Variants in L3MBTL4 observed in about 807,000 individuals in gnomAD.
L3MBTL4 encodes the protein lethal(3)malignant brain tumor-like protein 4.
In L3MBTL4, 70 loss-of-function variants were observed where a neutral mutation model predicts 84.5. That is an observed-to-expected ratio of 0.83 (90% CI 0.68 to 1.01). L3MBTL4 has a LOEUF of 1.01. Among genes scored for constraint, L3MBTL4 ranks in the 50% least tolerant of loss-of-function variants. The pLI, the probability that L3MBTL4 is intolerant of heterozygous loss-of-function variation, is 0.00. For missense variants in L3MBTL4, 715 were observed against 754.8 expected (o/e 0.95, Z 0.62); for synonymous variants, 274 against 259.8 (o/e 1.05, Z -0.52).
chr18:6,363,771 C>T (rs2053814900), intron 1 of L3MBTL4, among the ~76,000 whole-genome samples: 1 of 152,122 alleles, frequency 6.6e-6, no homozygotes, highest in Admixed American at 6.5e-5. Context: ...CCAGGAGCTC[C>T]CATGCCCACT....
At chr18:6,395,172 G>C (rs1309072902) in intron 1 of L3MBTL4, 1 of 152,070 alleles carries the variant, frequency 6.6e-6, no homozygotes, top group Non-Finnish European at 1.5e-5. Context: ...ACATGAGCCT[G>C]GGCAACAAAG....
intron 18 of L3MBTL4, among the ~76,000 whole-genome samples, chr18:5,958,059 AAGG>A (rs60828537): frequency 0.06 from 7,511 of 126,104 alleles, 526 homozygotes; most frequent in East Asian, 0.17. Context: ...GGAGAAGGAG[AAGG>A]AGAAGAAGAA....
chr18:6,336,354 G>A (rs1024671704), intron 1 of L3MBTL4, among the ~76,000 whole-genome samples: 53 of 152,182 alleles, frequency 3.5e-4, no homozygotes, highest in African/African-American at 1.2e-3. Context: ...CGTGATCTTC[G>A]GAGGCCAGAG....
At position 6,213,193 on chromosome 18, in the gene L3MBTL4, T is replaced by A; in HGVS notation, c.937A>T (p.Ile313Phe). ...EVVDKRNPRL[I>F]RVATIVDVDD... is the part of the protein sequence containing the mutation. Reference sequence around the variant, plus strand: ...ACATCTACAATCGTAGCAACACGAATTAACCTGGGGTTCCGTTTATCCACA... The same window carrying A: ...ACATCTACAATCGTAGCAACACGAAATAACCTGGGGTTCCGTTTATCCACA... Residue 313 changes from isoleucine (I) to phenylalanine (F), a missense_variant, in exon 12 of 19, where the codon ATT becomes TTT. Physicochemically the swap from Ile to Phe is conservative, Grantham distance 21. Coordinates refer to ENST00000317931, the MANE Select transcript of L3MBTL4 (RefSeq NM_001330559.2). 6.2e-7 allele frequency: 1 copy of A among 1,611,006 alleles called. No individual in the cohort carries two copies. Among genetic ancestry groups the A allele is most frequent in the Non-Finnish European group, 8.5e-7 (1 of 1,178,936 alleles).
At position 6,090,416 on chromosome 18, in the gene L3MBTL4, T is replaced by C. The variant is rs184233278; in HGVS notation, c.1373+2939A>G. Among the ~76,000 whole-genome samples, 529 of 152,104 alleles carry C rather than the reference T, an allele frequency of 3.5e-3. 5 individuals are homozygous for C. Among genetic ancestry groups the C allele is most frequent in the African/African-American group, 0.012 (496 of 41,510 alleles). Reference sequence around the variant, plus strand: ...ACAAAGATTAATATAAGAGCAAACATGTTTTTTAAAAATAATCAAAAAATT... The same window carrying C: ...ACAAAGATTAATATAAGAGCAAACACGTTTTTTAAAAATAATCAAAAAATT... On this transcript the variant is annotated intron_variant, in intron 15 of 18. Coordinates refer to ENST00000317931, the MANE Select transcript of L3MBTL4 (RefSeq NM_001330559.2).
At chr18:6,029,631 CTT>C (rs1280875956) in intron 16 of L3MBTL4, 1 of 985,102 alleles carries the variant, frequency 1.0e-6, no homozygotes, top group Non-Finnish European at 1.2e-6. Context: ...TAAAGGAAAA[CTT>C]AAAATGCAAT....
At chr18:6,386,746 C>T (rs1599867071) in intron 1 of L3MBTL4, among the ~76,000 whole-genome samples, 1 of 152,124 alleles carries the variant, frequency 6.6e-6, no homozygotes, top group Non-Finnish European at 1.5e-5. Context: ...GGAGACAGAG[C>T]AGGGTGCACA....
chr18:6,319,297 C>T (rs1342894776), intron 1 of L3MBTL4, among the ~76,000 whole-genome samples: 1 of 151,774 alleles, frequency 6.6e-6, no homozygotes, highest in Non-Finnish European at 1.5e-5. Context: ...ATAGAAACAA[C>T]AACAACAACA....
chr18:6,152,342 C>T (rs1202903239), intron 13 of L3MBTL4, among the ~76,000 whole-genome samples: 1 of 151,974 alleles, frequency 6.6e-6, no homozygotes, highest in African/African-American at 2.4e-5. Context: ...AATTTATATT[C>T]CTATTAACAG....
intron 16 of L3MBTL4, among the ~76,000 whole-genome samples, chr18:6,054,434 A>G (rs2056942643): frequency 6.6e-6 from 1 of 152,110 alleles, no homozygotes; most frequent in South Asian, 2.1e-4. Flanking sequence ...AGAATATCAA[A>G]TCAGATACTC....
intron 16 of L3MBTL4, among the ~76,000 whole-genome samples, chr18:6,015,914 C>G (rs189201890): frequency 6.6e-6 from 1 of 152,134 alleles, no homozygotes; most frequent in Non-Finnish European, 1.5e-5. Flanking sequence ...GAGCCAAGAT[C>G]GCACCACTGC....
rs111403528 is a variant in L3MBTL4, at chr18:6,122,555, G to A, written c.1199+15639C>T. On this transcript the variant is annotated intron_variant, in intron 14 of 18. Transcript: ENST00000317931. ...GCCTGCCACCATCCATGTAAGACAT[G>A]ACTTGCTCTTCCTTGCCTTCCACCA... 2.1e-3 allele frequency among the ~76,000 whole-genome samples: 317 copies of A among 152,306 alleles called. 4 individuals are homozygous for A. Among genetic ancestry groups the A allele is most frequent in the African/African-American group, 7.2e-3 (299 of 41,558 alleles).
chr18:6,293,463 T>C (rs1011751257), intron 4 of L3MBTL4, among the ~76,000 whole-genome samples: 2 of 148,358 alleles, frequency 1.3e-5, no homozygotes, highest in African/African-American at 2.5e-5. Context: ...AGCACCAAAA[T>C]AATGAAAAAA....
intron 1 of L3MBTL4, among the ~76,000 whole-genome samples, chr18:6,320,998 T>C (rs539751105): frequency 2.4e-4 from 36 of 152,088 alleles, no homozygotes; most frequent in Non-Finnish European, 4.7e-4. Context: ...CCCTATTTAA[T>C]AAATGGTGCT....
At chr18:6,256,724 G>T (rs2048157101) in intron 5 of L3MBTL4, 1 of 152,178 alleles carries the variant, frequency 6.6e-6, no homozygotes, top group Admixed American at 6.6e-5. Context: ...GAGGAGGCTG[G>T]GAACAACGTG....
At chr18:6,189,051 A>G (rs1315670634) in intron 12 of L3MBTL4, among the ~76,000 whole-genome samples, 1 of 152,212 alleles carries the variant, frequency 6.6e-6, no homozygotes, top group East Asian at 1.9e-4. Flanking sequence ...AGAATCTGAA[A>G]TCAAAGCATG....
intron 4 of L3MBTL4, among the ~76,000 whole-genome samples, chr18:6,286,496 T>TA (rs999643138): frequency 2.0e-5 from 3 of 151,006 alleles, no homozygotes; most frequent in African/African-American, 4.9e-5. Flanking sequence ...AATAATAATT[T>TA]AAAAAATAAT....
At chr18:5,969,911 G>A (rs540457339) in intron 16 of L3MBTL4, among the ~76,000 whole-genome samples, 6 of 152,304 alleles carry the variant, frequency 3.9e-5, no homozygotes, top group Admixed American at 6.5e-5. Flanking sequence ...TCAAGGAACC[G>A]TGCAGAATTT....
chr18:6,128,011 G>A (rs1013172896), intron 14 of L3MBTL4, among the ~76,000 whole-genome samples: 2 of 116,822 alleles, frequency 1.7e-5, no homozygotes, highest in East Asian at 2.7e-4. Flanking sequence ...AACCAAAAAC[G>A]AATCAAAACA....
Sources: gnomAD v4.1 joint callset for allele counts (sites outside exome capture counted in the v4.1 genomes callset) on GRCh38, gnomAD v4.1.1 for gene constraint, MANE v1.5 for transcripts, NCBI Gene and HGNC (gene_info 2026-07-23, HGNC 2026-07-21) for gene names.